The following FBXL13 variants were observed in gnomAD, a reference collection of about 807,000 sequenced individuals.
FBXL13 encodes the protein F-box and leucine rich repeat protein 13, also known as F-box and leucine-rich repeat protein 13.
In FBXL13, 67 loss-of-function variants were observed where a neutral mutation model predicts 83.6. The observed-to-expected ratio is 0.80, with a 90% CI of 0.66 to 0.98. The LOEUF (loss-of-function observed/expected upper bound fraction) is 0.98. Among genes scored for constraint, FBXL13 ranks in the 50% least tolerant of loss-of-function variants. The pLI is 0.00. For missense variants in FBXL13, 822 were observed against 866.5 expected (o/e 0.95, Z 0.64); for synonymous variants, 272 against 299.5 (o/e 0.91, Z 0.95).
At chr7:103,038,978 G>A (rs1460987344) in intron 2 of FBXL13, among the ~76,000 whole-genome samples, 1 of 152,216 alleles carries the variant, frequency 6.6e-6, no homozygotes, top group Non-Finnish European at 1.5e-5. Context: ...AGTTTGACAA[G>A]TTGACAGAAG....
rs1172733545 is a variant in FBXL13, at chr7:102,951,399, A to ATAAATAAATAAATAAATAAATAAG, written c.724+12133_724+12134insCTTATTTATTTATTTATTTATTTA. On this transcript the variant is annotated intron_variant, in intron 8 of 19. Coordinates refer to ENST00000313221, the Ensembl canonical transcript of FBXL13. ...TCTAAATAAATAAATAAATAAATAA[A>ATAAATAAATAAATAAATAAATAAG]TAAAAGTTAATTTAAAAAAAAACGA... 2.0e-5 allele frequency among the ~76,000 whole-genome samples: 3 copies of ATAAATAAATAAATAAATAAATAAG among 150,720 alleles called. No homozygotes were observed. The East Asian group carries it at 5.8e-4, about 29-fold the overall frequency.
At chr7:102,841,224 A>G (rs1343400685) in intron 17 of FBXL13, among the ~76,000 whole-genome samples, 2 of 152,022 alleles carry the variant, frequency 1.3e-5, no homozygotes, top group Admixed American at 6.6e-5. Flanking sequence ...CTTTTTTTAA[A>G]TTTTTGCCTT....
chr7:102,883,271 C>T (rs372867653), intron 14 of FBXL13, 34 bp downstream of exon 15: 127 of 1,573,198 alleles, frequency 8.1e-5, no homozygotes, highest in African/African-American at 4.7e-4. Context: ...AGATAATCAA[C>T]GTTTCTTGAA....
At chr7:103,011,213 G>A (rs896951484) in intron 6 of FBXL13, among the ~76,000 whole-genome samples, 3 of 152,178 alleles carry the variant, frequency 2.0e-5, no homozygotes, top group Admixed American at 6.5e-5. Flanking sequence ...TGAGATGTCA[G>A]ATGTAGAATA....
At chr7:102,843,971 G>C (rs1803485394) in intron 17 of FBXL13, among the ~76,000 whole-genome samples, 1 of 152,090 alleles carries the variant, frequency 6.6e-6, no homozygotes, top group South Asian at 2.1e-4. Context: ...TGCTGACCTA[G>C]GTTACACCCT....
intron 1 of FBXL13, among the ~76,000 whole-genome samples, chr7:103,073,676 T>C (rs559771281): frequency 6.6e-6 from 1 of 152,292 alleles, no homozygotes; most frequent in African/African-American, 2.4e-5. Flanking sequence ...TTCTCTAAAG[T>C]AGATCCCTAG....
intron 2 of FBXL13, among the ~76,000 whole-genome samples, chr7:103,042,511 G>A (rs924490914): frequency 6.6e-6 from 1 of 152,136 alleles, no homozygotes; most frequent in Non-Finnish European, 1.5e-5. Flanking sequence ...AGCCCACATA[G>A]CCAAGGCAGT....
chr7:102,826,724 CATATATATATATATATATATATAT>C (rs58307950), intron 18 of FBXL13, among the ~76,000 whole-genome samples: 4,813 of 62,754 alleles, frequency 0.077, 551 homozygotes, highest in African/African-American at 0.2. Flanking sequence ...GACCCTGTCT[CATATATATATATATATATATATAT>C]ATATATATAT....
chr7:102,914,831 T>C (rs1269777399), intron 10 of FBXL13, among the ~76,000 whole-genome samples: 1 of 152,184 alleles, frequency 6.6e-6, no homozygotes, highest in Non-Finnish European at 1.5e-5. Context: ...GACTGAGCTG[T>C]GCTAAAGTTT....
chr7:102,963,732 A>G (rs1233385502), intron 7 of FBXL13, 67 bp from the exon 9 acceptor site: 30 of 1,473,586 alleles, frequency 2.0e-5, no homozygotes, highest in African/African-American at 2.8e-5. Flanking sequence ...AACAAAAACA[A>G]TAATAGACAA....
intron 10 of FBXL13, among the ~76,000 whole-genome samples, chr7:102,916,360 T>A (rs1815873910): frequency 6.6e-6 from 1 of 152,166 alleles, no homozygotes. Flanking sequence ...CTTGGGGGAA[T>A]CCACTGCTCC....
chr7:102,935,286 C>T (rs1339827027), intron 8 of FBXL13, among the ~76,000 whole-genome samples: 4 of 119,944 alleles, frequency 3.3e-5, no homozygotes, highest in African/African-American at 1.4e-4. Context: ...GACTCTCGCT[C>T]TGATGCCCAG....
chr7:102,954,116 C>G (rs888535038), intron 8 of FBXL13, among the ~76,000 whole-genome samples: 3 of 152,134 alleles, frequency 2.0e-5, no homozygotes, highest in African/African-American at 7.2e-5. Context: ...AAAGCCAAAG[C>G]AGGGCAGAGC....
intron 17 of FBXL13, among the ~76,000 whole-genome samples, chr7:102,834,082 AAAGAAAAGAAAGAAAG>A (rs1370934471): frequency 1.7e-4 from 14 of 80,156 alleles, no homozygotes; most frequent in South Asian, 4.2e-4. Context: ...GGAAGGAAGG[AAAGAAAAGAAAGAAAG>A]AAAGAAAGAA....
At position 103,043,851 on chromosome 7, in the gene FBXL13, ATCT is replaced by A. The variant is rs1796003711; in HGVS notation, c.-1+11790_-1+11792del. ...TCTTAAAAGCAAAAAGAATTGCATA[ATCT>A]TCTTAAACTGCATTCAGTAGTCTTT... On this transcript the variant is annotated intron_variant, in intron 2 of 19. Transcript: ENST00000313221. Among the ~76,000 whole-genome samples the A allele has an allele frequency of 2.0e-5, 3 of 152,200 alleles. 1 individual carries two copies. The South Asian group carries it at 6.2e-4, about 31-fold the overall frequency.
At chr7:102,844,941 C>A (rs957826331) in intron 17 of FBXL13, among the ~76,000 whole-genome samples, 2 of 152,158 alleles carry the variant, frequency 1.3e-5, no homozygotes, top group African/African-American at 4.8e-5. Flanking sequence ...TACCAATGAA[C>A]AGCCAGATGA....
rs573874005 is a variant in FBXL13, at chr7:102,827,981, C to T, written c.1854+4859G>A. On this transcript the variant is annotated intron_variant, in intron 18 of 19. Coordinates refer to ENST00000313221, the Ensembl canonical transcript of FBXL13. ...ACCAGTACCATGCTGTTTTGGTTAC[C>T]GTAGCCTTGTAGTATAGTTTGAAGT... Among the ~76,000 whole-genome samples, 16 of 152,128 alleles carry T rather than the reference C, an allele frequency of 1.1e-4. 1 individual carries two copies. The highest frequency in any genetic ancestry group is 8.3e-4 in the South Asian group (4 of 4,816).
At chr7:102,941,951 C>T (rs972421558) in intron 8 of FBXL13, among the ~76,000 whole-genome samples, 2 of 152,116 alleles carry the variant, frequency 1.3e-5, no homozygotes, top group East Asian at 1.9e-4. Flanking sequence ...ACATGTTTCC[C>T]GTAACTGATA....
intron 8 of FBXL13, among the ~76,000 whole-genome samples, chr7:102,945,247 C>G (rs971409944): frequency 6.6e-6 from 1 of 152,182 alleles, no homozygotes; most frequent in African/African-American, 2.4e-5. Flanking sequence ...TGGTTAGAAG[C>G]TAGGACCCTG....
Sources: gnomAD v4.1 joint callset for allele counts (sites outside exome capture counted in the v4.1 genomes callset) on GRCh38, gnomAD v4.1.1 for gene constraint, MANE v1.5 for transcripts, NCBI Gene and HGNC (gene_info 2026-07-23, HGNC 2026-07-21) for gene names.